KSR1: variants seen among roughly 807,000 people sequenced by gnomAD.
The protein encoded by KSR1 is kinase suppressor of ras.
KSR1 carries 35 observed loss-of-function variants against 92.9 expected under a neutral mutation model. The observed-to-expected ratio is 0.38, with a 90% confidence interval of 0.29 to 0.50. KSR1 has a LOEUF of 0.50. KSR1 is among the 20% of genes least tolerant of loss of function. The pLI, the probability that KSR1 is intolerant of heterozygous loss-of-function variation, is 0.94. For synonymous variants in KSR1, 467 were observed against 472.6 expected, an observed-to-expected ratio of 0.99 and a Z score of 0.15; for missense variants, 972 against 1,158.5, an observed-to-expected ratio of 0.84 and a Z score of 2.34.
chr17:27,611,290 C>G lies in KSR1; in HGVS notation c.2358-204C>G, dbSNP rs116780609. 1.6e-3 allele frequency: 935 copies of G among 600,382 alleles called. 5 individuals are homozygous for G. Among genetic ancestry groups the G allele is most frequent in the African/African-American group, 0.014 (762 of 53,880 alleles). 37.2% of individuals were successfully genotyped at this position (600,382 alleles called of 1,614,324 possible). ...GTCAAACCTGCGCTGTCTCAGACTT[C>G]CCACCCAACGAGAGCACAGGGCCCA... is the stretch of plus-strand genomic sequence containing the variant. On this transcript the variant is annotated intron_variant, in intron 17 of 20. Transcript: ENST00000644974.
chr17:27,508,986 C>T (rs1325973553), intron 1 of KSR1, among the ~76,000 whole-genome samples: 2 of 151,980 alleles, frequency 1.3e-5, no homozygotes, highest in Non-Finnish European at 2.9e-5. Flanking sequence ...CCACCTTGAC[C>T]TCCCAAAGTG....
intron 6 of KSR1, among the ~76,000 whole-genome samples, chr17:27,589,334 G>C (rs1402192806): frequency 1.3e-5 from 2 of 152,132 alleles, no homozygotes; most frequent in African/African-American, 4.8e-5. Context: ...TCTTTCCCTT[G>C]TGCTCGGGGC....
At chr17:27,609,883 C>T (rs2073866895) in intron 16 of KSR1, 184 bp from the exon 17 acceptor site, 2 of 648,992 alleles carry the variant, frequency 3.1e-6, no homozygotes, top group Admixed American at 6.2e-5. Flanking sequence ...GTCATGACTC[C>T]TTTGTAGAAT....
intron 1 of KSR1, among the ~76,000 whole-genome samples, chr17:27,512,785 C>A (rs1157464192): frequency 1.3e-5 from 2 of 152,174 alleles, no homozygotes; most frequent in South Asian, 2.1e-4. Context: ...ATCTAGACAT[C>A]ATTCCTTTTC....
At chr17:27,594,587 C>T (rs1160427006) in intron 9 of KSR1, among the ~76,000 whole-genome samples, 2 of 152,166 alleles carry the variant, frequency 1.3e-5, no homozygotes, top group Admixed American at 1.3e-4. Flanking sequence ...TGCCAGAGGC[C>T]TCTCATCTCT....
chr17:27,503,865 C>T (rs1030109770), intron 1 of KSR1, among the ~76,000 whole-genome samples: 5 of 152,248 alleles, frequency 3.3e-5, no homozygotes, highest in South Asian at 4.1e-4. Flanking sequence ...AGTCAACTCA[C>T]GATGAACACG....
intron 1 of KSR1, among the ~76,000 whole-genome samples, chr17:27,457,843 C>A (rs2019251718): frequency 6.6e-6 from 1 of 152,162 alleles, no homozygotes. Context: ...CCTGCCACAT[C>A]TGGCCTCCTG....
At chr17:27,535,455 T>C (rs761677378) in intron 1 of KSR1, among the ~76,000 whole-genome samples, 19 of 152,206 alleles carry the variant, frequency 1.2e-4, no homozygotes, top group Non-Finnish European at 2.1e-4. Flanking sequence ...GAGGTGTTCC[T>C]TGGGCCTCTG....
chr17:27,510,902 G>A (rs563999889), intron 1 of KSR1, among the ~76,000 whole-genome samples: 54 of 152,204 alleles, frequency 3.5e-4, no homozygotes, highest in African/African-American at 1.2e-3. Flanking sequence ...GGTATGGAGC[G>A]CCGTACCACC....
At chr17:27,503,898 C>T (rs1172728557) in intron 1 of KSR1, among the ~76,000 whole-genome samples, 1 of 152,188 alleles carries the variant, frequency 6.6e-6, no homozygotes, top group Non-Finnish European at 1.5e-5. Context: ...GAGGTAACCT[C>T]TGTTGTTTAT....
intron 1 of KSR1, among the ~76,000 whole-genome samples, chr17:27,539,592 G>A (rs1437909872): frequency 6.6e-6 from 1 of 152,214 alleles, no homozygotes; most frequent in Non-Finnish European, 1.5e-5. Flanking sequence ...TTGGGAAGAG[G>A]TTTGGTTGTT....
At chr17:27,530,533 G>A (rs972619687) in intron 1 of KSR1, among the ~76,000 whole-genome samples, 35 of 152,248 alleles carry the variant, frequency 2.3e-4, no homozygotes, top group African/African-American at 8.2e-4. Flanking sequence ...GCCTGAGCAG[G>A]GATCGGCTCC....
At position 27,624,535 on chromosome 17, in the gene KSR1, A is replaced by G. The variant is rs1407727937; in HGVS notation, c.*1143A>G. The G allele has an allele frequency of 2.0e-5, 3 of 152,112 alleles. No homozygotes were observed. Among genetic ancestry groups the G allele is most frequent in the Admixed American group, 6.5e-5 (1 of 15,270 alleles). The allele number at this position is 152,112 out of a possible 1,614,324, so 9.4% of individuals were successfully genotyped here. A position where few individuals can be genotyped will look rare whatever the true frequency, so the allele number is the denominator to read the frequency against. ...CTTCCTTAGCACCATTAGGCCTTCT[A>G]CTTGTGTCCATTTGAAGCAGGAGGG... On this transcript the variant is annotated 3_prime_UTR_variant, in exon 21 of 21. Coordinates refer to ENST00000644974, the MANE Select transcript of KSR1 (RefSeq NM_001394583.1).
rs2071824257 is a variant in KSR1, at chr17:27,561,436, T to C, written c.372+10728T>C. On this transcript the variant is annotated intron_variant, in intron 2 of 20. Coordinates refer to ENST00000644974, the MANE Select transcript of KSR1 (RefSeq NM_001394583.1). ...TACCTTGATTAATTATCACAGAGGA[T>C]TAATTGATGAGCAAAATAGTCTGTC... Among the ~76,000 whole-genome samples the C allele has an allele frequency of 2.0e-5, 3 of 152,198 alleles. 1 individual carries two copies. In the South Asian group the frequency reaches 6.2e-4, roughly 31 times the overall value.
chr17:27,555,239 G>A (rs1260824809), intron 2 of KSR1, among the ~76,000 whole-genome samples: 1 of 152,180 alleles, frequency 6.6e-6, no homozygotes, highest in Non-Finnish European at 1.5e-5. Flanking sequence ...TGAGGGGTAG[G>A]TGGGTTAAGC....
intron 2 of KSR1, among the ~76,000 whole-genome samples, chr17:27,557,796 G>A (rs2071662099): frequency 6.6e-6 from 1 of 152,154 alleles, no homozygotes; most frequent in Admixed American, 6.5e-5. Context: ...TCCAGATGGT[G>A]GCTTTGCCTT....
chr17:27,468,021 G>A (rs1340032348), intron 1 of KSR1, among the ~76,000 whole-genome samples: 1 of 151,908 alleles, frequency 6.6e-6, no homozygotes, highest in African/African-American at 2.4e-5. Flanking sequence ...GTTTCACCGT[G>A]TTAGCCAGGA....
At chr17:27,486,525 G>A (rs911082630) in intron 1 of KSR1, among the ~76,000 whole-genome samples, 1 of 152,232 alleles carries the variant, frequency 6.6e-6, no homozygotes, top group Admixed American at 6.5e-5. Context: ...ACAATGCCTG[G>A]AGAATAAGGA....
intron 2 of KSR1, among the ~76,000 whole-genome samples, chr17:27,556,618 T>C (rs370799677): frequency 1.3e-5 from 2 of 152,126 alleles, no homozygotes; most frequent in African/African-American, 4.8e-5. Flanking sequence ...GGCTGGGCAG[T>C]AGTTAAGACC....
Sources: allele counts gnomAD v4.1 joint callset (sites outside exome capture counted in the v4.1 genomes callset), GRCh38; gene constraint gnomAD v4.1.1; transcripts MANE v1.5; gene names NCBI Gene and HGNC (gene_info 2026-07-23, HGNC 2026-07-21).